FAM20B: variants seen among roughly 807,000 people sequenced by gnomAD.
FAM20B encodes FAM20B glycosaminoglycan xylosylkinase.
In FAM20B, 23 loss-of-function variants were observed where a neutral mutation model predicts 43.8. That is an observed-to-expected ratio of 0.53 (90% CI 0.38 to 0.74). The LOEUF (loss-of-function observed/expected upper bound fraction) is 0.74. FAM20B is among the 30% of genes least tolerant of loss of function. FAM20B has a pLI of 0.00. For synonymous variants in FAM20B, 178 were observed against 192.4 expected (o/e 0.93, Z 0.62); for missense variants, 440 against 510.5 (o/e 0.86, Z 1.33).
In FAM20B at chr1:179,072,010, G is replaced by T. The variant is rs754374566; in HGVS notation, c.1096G>T (p.Val366Leu). ...SAMAHDPISPVLSDPHLDAVD... is the reference protein window; with the variant it reads ...SAMAHDPISPLLSDPHLDAVD... ...CATGGCCCATGACCCCATCTCCCCA[G>T]TGCTCTCTGATCCTCATCTGGACGC... is the stretch of plus-strand genomic sequence containing the variant. The change falls in exon 8 of 8, where the codon GTG (valine) becomes TTG (leucine). Residue 366 changes from valine to leucine, a missense_variant. Val to Leu is a conservative substitution (Grantham distance 32). Transcript: ENST00000263733. 1.2e-6 allele frequency: 2 copies of T among 1,614,094 alleles called. No homozygotes were observed. The highest frequency in any genetic ancestry group is 1.7e-5 in the Admixed American group (1 of 60,008).
chr1:179,049,775 C>T (rs1385542913), intron 2 of FAM20B, among the ~76,000 whole-genome samples: 1 of 152,226 alleles, frequency 6.6e-6, no homozygotes, highest in Non-Finnish European at 1.5e-5. Context: ...CTACCGACCT[C>T]AGGTGATCCA....
intron 2 of FAM20B, among the ~76,000 whole-genome samples, chr1:179,046,471 C>T (rs1223737104): frequency 1.5e-4 from 21 of 142,250 alleles, no homozygotes; most frequent in Middle Eastern, 4.9e-3. Flanking sequence ...GCCAACATGG[C>T]GAAACCCCAT....
At chr1:179,052,193 T>A (rs139624784) in intron 3 of FAM20B, among the ~76,000 whole-genome samples, 452 of 152,320 alleles carry the variant, frequency 3.0e-3, no homozygotes, top group African/African-American at 0.011. Flanking sequence ...CAAATATTAA[T>A]GGTCTTAATA....
chr1:179,018,577 G>T, the FAM20B span, among the ~76,000 whole-genome samples: 3 of 152,184 alleles, frequency 2.0e-5, no homozygotes, highest in Non-Finnish European at 4.4e-5. Flanking sequence ...AAAGTGCTAG[G>T]ATTGCAGGCG....
chr1:179,070,572 T>G (rs1330687307), intron 7 of FAM20B, among the ~76,000 whole-genome samples: 1 of 129,590 alleles, frequency 7.7e-6, no homozygotes, highest in Non-Finnish European at 1.6e-5. Context: ...TTGCCCAGGC[T>G]GGAGTGCAGT....
At chr1:179,069,020 T>C (rs12083856) in intron 7 of FAM20B, among the ~76,000 whole-genome samples, 15,737 of 152,258 alleles carry the variant, frequency 0.1, 1,568 homozygotes, top group African/African-American at 0.26. Flanking sequence ...AGAAACCTTC[T>C]GTGCTGCAAG....
intron 3 of FAM20B, among the ~76,000 whole-genome samples, chr1:179,053,782 C>T (rs1408739003): frequency 2.0e-5 from 3 of 152,094 alleles, no homozygotes; most frequent in Admixed American, 1.3e-4. Context: ...AATATAATCT[C>T]GATTGTATGT....
chr1:179,064,603 A>G, intron 6 of FAM20B, 107 bp downstream of exon 6: 1 of 851,692 alleles, frequency 1.2e-6, no homozygotes, highest in East Asian at 2.7e-5. Context: ...GATAGGCAAC[A>G]TCCTTCTTTT....
intron 1 of FAM20B, among the ~76,000 whole-genome samples, chr1:179,029,337 G>T (rs1649916274): frequency 1.3e-5 from 2 of 152,220 alleles, no homozygotes; most frequent in Admixed American, 6.5e-5. Flanking sequence ...CTGGGCTGCA[G>T]AACAGAAGCT....
chr1:179,069,997 G>A (rs147467484), intron 7 of FAM20B, among the ~76,000 whole-genome samples: 33 of 152,122 alleles, frequency 2.2e-4, no homozygotes, highest in African/African-American at 3.1e-4. Context: ...GTCTTAGTTC[G>A]TTTTGTGCTG....
chr1:179,019,452 TTTG>T, the FAM20B span, among the ~76,000 whole-genome samples: 15 of 146,584 alleles, frequency 1.0e-4, no homozygotes, highest in South Asian at 6.5e-4. Context: ...GGTTTTTTTT[TTTG>T]TTTGTTTGTT....
At position 179,072,586 on chromosome 1, in the gene FAM20B, T is replaced by C. The variant is rs563261547; in HGVS notation, c.*442T>C. The C allele has an allele frequency of 4.4e-4, 74 of 169,206 alleles. 1 individual carries two copies. Among genetic ancestry groups the C allele is most frequent in the African/African-American group, 1.8e-3 (74 of 42,042 alleles). 10.5% of individuals were successfully genotyped at this position (169,206 alleles called of 1,614,324 possible). The stretch of plus-strand genomic sequence containing the variant: ...TTTTTTTTTACCAGAACTAGTTACA[T>C]TGGAATGCTTACTGTCCTACAGAGT... On this transcript the variant is annotated 3_prime_UTR_variant, in exon 8 of 8. Transcript: ENST00000263733.
chr1:179,026,287 C>T (rs1252450235), intron 1 of FAM20B, among the ~76,000 whole-genome samples, 189 bp downstream of exon 1: 2 of 151,318 alleles, frequency 1.3e-5, no homozygotes, highest in Admixed American at 6.6e-5. Context: ...TGGCTGCGGG[C>T]GGGTCCCGGG....
At chr1:179,063,807 C>A in intron 4 of FAM20B, 120 bp from the exon 5 acceptor site, 1 of 661,156 alleles carries the variant, frequency 1.5e-6, no homozygotes, top group Non-Finnish European at 2.5e-6. Context: ...ATATAGTAAA[C>A]TCAGGGTCTT....
At chr1:179,068,747 T>A (rs370208916) in intron 7 of FAM20B, among the ~76,000 whole-genome samples, 2 of 152,202 alleles carry the variant, frequency 1.3e-5, no homozygotes, top group African/African-American at 4.8e-5. Flanking sequence ...TATAAAGAAT[T>A]ATTAAATTCC....
intron 4 of FAM20B, among the ~76,000 whole-genome samples, chr1:179,061,983 G>A (rs920981956): frequency 6.6e-6 from 1 of 151,718 alleles, no homozygotes; most frequent in African/African-American, 2.4e-5. Context: ...ATAACACTGT[G>A]GTCCAGGATC....
rs188306614 is a variant in FAM20B at position 179,046,778 on chromosome 1, G to A, written c.377+2554G>A. Reference sequence around the variant, plus strand: ...AGCACTTTGGGAGGCCGAGGCGGGCGGATCACCTGAGGTCAGGAGTTCGAG... The same window carrying A: ...AGCACTTTGGGAGGCCGAGGCGGGCAGATCACCTGAGGTCAGGAGTTCGAG... On this transcript the variant is annotated intron_variant, in intron 2 of 7. Transcript: ENST00000263733. Among the ~76,000 whole-genome samples, 127 of 152,014 alleles carry A rather than the reference G, an allele frequency of 8.4e-4. 1 individual carries two copies. Among genetic ancestry groups the A allele is most frequent in the African/African-American group, 2.6e-3 (106 of 41,450 alleles).
At chr1:179,041,618 AAG>A (rs982229129) in intron 1 of FAM20B, among the ~76,000 whole-genome samples, 53 of 142,924 alleles carry the variant, frequency 3.7e-4, no homozygotes, top group Non-Finnish European at 1.8e-4. Flanking sequence ...AGACCGTGGA[AAG>A]AGAGGGAGAG....
At chr1:179,054,453 C>A in intron 3 of FAM20B, 76 bp from the exon 4 acceptor site, 1 of 879,978 alleles carries the variant, frequency 1.1e-6, no homozygotes, top group Non-Finnish European at 1.9e-6. Flanking sequence ...ACATGATGAA[C>A]TGTAATTTTT....
Sources: gnomAD v4.1 joint callset for allele counts (sites outside exome capture counted in the v4.1 genomes callset) on GRCh38, gnomAD v4.1.1 for gene constraint, MANE v1.5 for transcripts, NCBI Gene and HGNC (gene_info 2026-07-23, HGNC 2026-07-21) for gene names.